PKD1L1: variants seen among roughly 807,000 people sequenced by gnomAD.
PKD1L1 encodes polycystin 1 like 1, transient receptor potential channel interacting.
PKD1L1 carries 236 observed loss-of-function variants against 323.4 expected under a neutral mutation model. The ratio of observed to expected loss-of-function variants is 0.73; its 90% CI spans 0.66 to 0.81. The LOEUF is 0.81. Among genes scored for constraint, PKD1L1 ranks in the 40% least tolerant of loss-of-function variants. The pLI, the probability that PKD1L1 is intolerant of heterozygous loss-of-function variation, is 0.00. For synonymous variants in PKD1L1, 1,344 were observed against 1,335.0 expected, an observed-to-expected ratio of 1.01 and a Z score of -0.15; for missense variants, 3,320 against 3,508.0, an observed-to-expected ratio of 0.95 and a Z score of 1.35.
chr7:47,787,993 G>A (rs1421994380), intron 56 of PKD1L1, among the ~76,000 whole-genome samples: 1 of 152,160 alleles, frequency 6.6e-6, no homozygotes, highest in East Asian at 1.9e-4. Context: ...TTGTAGGCGG[G>A]AGCCACTGTG....
chr7:47,888,984 C>A (rs187746860), intron 16 of PKD1L1, among the ~76,000 whole-genome samples: 191 of 152,250 alleles, frequency 1.3e-3, no homozygotes, highest in African/African-American at 4.4e-3. Flanking sequence ...CTGCACCTGA[C>A]GGCCCACGTC....
intron 15 of PKD1L1, 43 bp downstream of exon 15, chr7:47,893,835 C>G (rs754947465): frequency 6.3e-7 from 1 of 1,582,616 alleles, no homozygotes; most frequent in Non-Finnish European, 8.6e-7. Context: ...GCAGAATGCG[C>G]GGTCTGAGTA....
At chr7:47,786,599 C>T (rs1248326140) in intron 56 of PKD1L1, among the ~76,000 whole-genome samples, 2 of 152,220 alleles carry the variant, frequency 1.3e-5, no homozygotes, top group South Asian at 4.1e-4. Context: ...TGAGGTCAGG[C>T]GCTCCCCTCT....
chr7:47,820,225 T>G (rs1157316465), intron 46 of PKD1L1, among the ~76,000 whole-genome samples: 1 of 152,208 alleles, frequency 6.6e-6, no homozygotes, highest in Non-Finnish European at 1.5e-5. Context: ...TGCATCCCAA[T>G]TTTAGAAGCA....
At position 47,881,966 on chromosome 7, in the gene PKD1L1, T is replaced by C. The variant is rs1218074849; in HGVS notation, c.3385A>G (p.Ile1129Val). 5.6e-6 allele frequency: 9 copies of C among 1,613,736 alleles called. No individual in the cohort carries two copies. Among genetic ancestry groups the C allele is most frequent in the Middle Eastern group, 3.3e-4 (2 of 6,058 alleles). ...SAGRAEPVLM[I>V]DWPKALLGRA... ...CCCAGCAGGGCCTTGGGCCAGTCAA[T>C]CATGAGGACAGGCTCGGCTCTGCCT... Residue 1129 changes from isoleucine (I) to valine (V), a missense_variant, in exon 20 of 57, where the codon ATT becomes GTT. Transcript: ENST00000289672.
At chr7:47,798,790 C>T (rs1208379267) in intron 54 of PKD1L1, among the ~76,000 whole-genome samples, 1 of 147,998 alleles carries the variant, frequency 6.8e-6, no homozygotes, top group African/African-American at 2.5e-5. Context: ...AACAAAGAAA[C>T]AAAAAAAATT....
chr7:47,896,599 G>A (rs1052339339), intron 14 of PKD1L1, among the ~76,000 whole-genome samples: 7 of 151,930 alleles, frequency 4.6e-5, no homozygotes, highest in Admixed American at 6.6e-5. Context: ...TCCCCTACTA[G>A]GTTGTTCACA....
At chr7:47,951,300 C>A (rs1291990597), upstream of PKD1L1, among the ~76,000 whole-genome samples, 2 of 152,138 alleles carry the variant, frequency 1.3e-5, no homozygotes, top group East Asian at 1.9e-4. Context: ...AAGGACGGAA[C>A]CCCCTGGCTG....
intron 37 of PKD1L1, 39 bp from the exon 38 acceptor site, chr7:47,835,282 A>G (rs1204890115): frequency 1.5e-6 from 2 of 1,332,724 alleles, no homozygotes; most frequent in East Asian, 4.7e-5. Context: ...TCAACTCAAT[A>G]TGAGTCCCGC....
At chr7:47,853,966 C>T (rs985703201) in intron 30 of PKD1L1, among the ~76,000 whole-genome samples, 1 of 152,116 alleles carries the variant, frequency 6.6e-6, no homozygotes, top group African/African-American at 2.4e-5. Context: ...TAAAAGATAG[C>T]AAGCACAAAA....
At chr7:47,945,565 G>T (rs531385994) in intron 1 of PKD1L1, among the ~76,000 whole-genome samples, 1 of 151,884 alleles carries the variant, frequency 6.6e-6, no homozygotes, top group African/African-American at 2.4e-5. Flanking sequence ...AAAGGCCAGA[G>T]AAATGAAAAA....
At chr7:47,908,953 C>G (rs1019302367) in intron 8 of PKD1L1, among the ~76,000 whole-genome samples, 6 of 152,170 alleles carry the variant, frequency 3.9e-5, no homozygotes, top group African/African-American at 1.4e-4. Context: ...GACTGAGTCT[C>G]CCCATGGCCC....
chr7:47,922,464 A>T (rs909689870), intron 7 of PKD1L1, among the ~76,000 whole-genome samples: 1 of 151,350 alleles, frequency 6.6e-6, no homozygotes, highest in African/African-American at 2.4e-5. Flanking sequence ...CTAGGAAGTG[A>T]GGAGCGTCTC....
rs1235290863 is a variant in PKD1L1, at chr7:47,780,133, C to T, written c.8527-4967G>A. 3.3e-5 allele frequency among the ~76,000 whole-genome samples: 5 copies of T among 152,116 alleles called. No individual in the cohort carries two copies. The East Asian group carries it at 9.6e-4, about 29-fold the overall frequency. ...TTTACCAGGTTTTCCTCAATGGTCACATCTTGCAAAATTACAAAACAATAT... is the reference window on the plus strand; with the variant it reads ...TTTACCAGGTTTTCCTCAATGGTCATATCTTGCAAAATTACAAAACAATAT... On this transcript the variant is annotated intron_variant, in intron 56 of 56. Transcript: ENST00000289672.
At chr7:47,868,229 C>T (rs1292949958) in intron 24 of PKD1L1, among the ~76,000 whole-genome samples, 2 of 151,932 alleles carry the variant, frequency 1.3e-5, no homozygotes, top group South Asian at 2.1e-4. Context: ...ATTAGCTGGG[C>T]GTGGCGGTGT....
chr7:47,878,930 T>C (rs965116846), intron 21 of PKD1L1, among the ~76,000 whole-genome samples: 1 of 152,232 alleles, frequency 6.6e-6, no homozygotes, highest in African/African-American at 2.4e-5. Context: ...GAGACTCTCA[T>C]GTGTCTCCTG....
chr7:47,812,027 G>C lies in PKD1L1; in HGVS notation c.7371C>G (p.Ser2457=). The change falls in exon 50 of 57, where the codon TCC becomes TCG. Residue 2457 remains serine, a synonymous_variant. Coordinates refer to ENST00000289672, the MANE Select transcript of PKD1L1 (RefSeq NM_138295.5). ...CAATCCACATGCTGGCCCTGAGTCG[G>C]GACAGGGCTGTGTGGGCTTCAGTCC... ...RTRTEAHTAL[S]RLRASMWIDR... The C allele has an allele frequency of 6.4e-7, 1 of 1,568,132 alleles. No individual in the cohort carries two copies. Among genetic ancestry groups the C allele is most frequent in the Non-Finnish European group, 8.6e-7 (1 of 1,156,480 alleles).
chr7:47,819,779 C>T (rs926088717), intron 46 of PKD1L1: 5 of 293,828 alleles, frequency 1.7e-5, no homozygotes, highest in Non-Finnish European at 3.3e-5. Flanking sequence ...CATTATCTTG[C>T]TGCGTATGAA....
At chr7:47,793,166 G>A (rs540312249) in intron 55 of PKD1L1, among the ~76,000 whole-genome samples, 11 of 151,964 alleles carry the variant, frequency 7.2e-5, no homozygotes, top group Admixed American at 2.0e-4. Flanking sequence ...AAAAAAATAA[G>A]GCAATAATGG....
Sources: gnomAD v4.1 joint callset for allele counts (sites outside exome capture counted in the v4.1 genomes callset) on GRCh38, gnomAD v4.1.1 for gene constraint, MANE v1.5 for transcripts, NCBI Gene and HGNC (gene_info 2026-07-23, HGNC 2026-07-21) for gene names.